The following C9orf57 variants were observed in gnomAD, a reference collection of about 807,000 sequenced individuals.
C9orf57 encodes the protein uncharacterized protein C9orf57.
C9orf57 carries 12 observed loss-of-function variants against 12.9 expected under a neutral mutation model. That is an observed-to-expected ratio of 0.93 (90% confidence interval 0.60 to 1.51). C9orf57 has a LOEUF of 1.51. Among genes scored for constraint, C9orf57 ranks in the 40% most tolerant of loss-of-function variants. The probability of loss-of-function intolerance (pLI) is 0.00; values close to 1 mark genes in which losing one functional copy is unlikely to be tolerated. For missense variants in C9orf57, 141 were observed against 162.8 expected (o/e 0.87, Z 0.73); for synonymous variants, 49 against 57.1 (o/e 0.86, Z 0.64).
intron 1 of C9orf57, among the ~76,000 whole-genome samples, chr9:72,059,656 A>C (rs1824288919): frequency 6.6e-6 from 1 of 152,130 alleles, no homozygotes; most frequent in Admixed American, 6.5e-5. Flanking sequence ...CCCCGTCTCT[A>C]CTAAAAATAC....
chr9:72,052,107 G>T lies in C9orf57; in HGVS notation c.*189C>A. The T allele has an allele frequency of 1.7e-6, 1 of 580,162 alleles. No individual in the cohort carries two copies. Among genetic ancestry groups the T allele is most frequent in the Non-Finnish European group, 3.0e-6 (1 of 334,654 alleles). The allele number at this position is 580,162 out of a possible 1,614,324, so 35.9% of individuals were successfully genotyped here. On this transcript the variant is annotated 3_prime_UTR_variant, in exon 5 of 5. Transcript: ENST00000651200. ...GTTGAAAGGGCTATTTCTCAGATGA[G>T]TTGGAGGTGGTGGGGGAGATATTGG...
intron 2 of C9orf57, among the ~76,000 whole-genome samples, chr9:72,058,049 A>C (rs756740467): frequency 3.9e-5 from 6 of 152,224 alleles, no homozygotes; most frequent in Non-Finnish European, 8.8e-5. Context: ...AATCTATGGA[A>C]GGTGGGGCTT....
Position 72,060,597 on chromosome 9 carries a change from A to G in C9orf57, c.-154T>C. ...TTGTGATGTGATGAAGTCCGTTACAACTGAAAGCGACACTCTGATCCACTA... is the reference window on the plus strand; with the variant it reads ...TTGTGATGTGATGAAGTCCGTTACAGCTGAAAGCGACACTCTGATCCACTA... On this transcript the variant is annotated 5_prime_UTR_variant, in exon 1 of 5. Coordinates refer to ENST00000651200, the MANE Select transcript of C9orf57 (RefSeq NM_001128618.2). 1.3e-6 allele frequency: 2 copies of G among 1,518,890 alleles called. No homozygotes were observed. Among genetic ancestry groups the G allele is most frequent in the Non-Finnish European group, 1.8e-6 (2 of 1,124,458 alleles). The allele number at this position is 1,518,890 out of a possible 1,614,324, so 94.1% of individuals were successfully genotyped here. A position where few individuals can be genotyped will look rare whatever the true frequency, so the allele number is the denominator to read the frequency against.
chr9:72,051,677 CA>C lies in C9orf57; in HGVS notation c.*618del, dbSNP rs1052255395. On this transcript the variant is annotated 3_prime_UTR_variant, in exon 5 of 5. Coordinates refer to ENST00000651200, the MANE Select transcript of C9orf57 (RefSeq NM_001128618.2). ...AGGCATGGTTAAGGTACGGAAAATT[CA>C]AAATTTGGATAAACTCTGAGGCAGA... 6.6e-6 allele frequency: 1 copy of C among 152,188 alleles called. No individual in the cohort carries two copies. The highest frequency in any genetic ancestry group is 2.4e-5 in the African/African-American group (1 of 41,428). The allele number at this position is 152,188 out of a possible 1,614,324, so 9.4% of individuals were successfully genotyped here. A position where few individuals can be genotyped will look rare whatever the true frequency, so the allele number is the denominator to read the frequency against.
At chr9:72,059,711 C>G (rs936031900) in intron 1 of C9orf57, among the ~76,000 whole-genome samples, 4 of 152,244 alleles carry the variant, frequency 2.6e-5, no homozygotes, top group Admixed American at 2.0e-4. Flanking sequence ...ATCCCAGCTA[C>G]TTGGGAGGCT....
intron 3 of C9orf57, among the ~76,000 whole-genome samples, chr9:72,056,558 T>C (rs1397195125): frequency 6.6e-6 from 1 of 152,042 alleles, no homozygotes; most frequent in African/African-American, 2.4e-5. Context: ...TCTATAAGAC[T>C]CATTAGCTAT....
intron 2 of C9orf57, among the ~76,000 whole-genome samples, chr9:72,057,100 G>A (rs1824221280): frequency 6.6e-6 from 1 of 151,922 alleles, no homozygotes; most frequent in African/African-American, 2.4e-5. Context: ...TTAGTGGGGA[G>A]GATGGGGTTT....
intron 2 of C9orf57, among the ~76,000 whole-genome samples, chr9:72,058,679 A>G (rs531017098): frequency 2.0e-5 from 3 of 152,284 alleles, no homozygotes; most frequent in Admixed American, 2.0e-4. Flanking sequence ...GTTTTCTGCA[A>G]TGTGTTTTAT....
chr9:72,059,079 G>GT (rs1227258854), intron 2 of C9orf57, among the ~76,000 whole-genome samples, 156 bp downstream of exon 2: 1 of 152,082 alleles, frequency 6.6e-6, no homozygotes, highest in Non-Finnish European at 1.5e-5. Context: ...GTTTCTCCAT[G>GT]TTGGTCAGGC....
chr9:72,052,467 T>C, intron 4 of C9orf57, 32 bp from the exon 5 acceptor site: 1 of 1,547,410 alleles, frequency 6.5e-7, no homozygotes, highest in Non-Finnish European at 8.7e-7. Context: ...AGGAAATTTC[T>C]TGGGAGGTAC....
intron 4 of C9orf57, among the ~76,000 whole-genome samples, chr9:72,054,048 G>C (rs1264444303): frequency 6.6e-6 from 1 of 152,216 alleles, no homozygotes; most frequent in Admixed American, 6.5e-5. Flanking sequence ...GCCCATGCTG[G>C]AGTGCAATGG....
intron 4 of C9orf57, among the ~76,000 whole-genome samples, chr9:72,052,775 T>C (rs1160179850): frequency 6.6e-6 from 1 of 152,192 alleles, no homozygotes; most frequent in Non-Finnish European, 1.5e-5. Context: ...CCCAGTTTTA[T>C]CCAGGTTGTG....
At position 72,056,884 on chromosome 9, in the gene C9orf57, T is replaced by C. The variant is rs1824215744; in HGVS notation, c.98-41A>G. The C allele has an allele frequency of 2.1e-6, 3 of 1,461,912 alleles. No homozygotes were observed. The South Asian group carries it at 3.7e-5, about 18-fold the overall frequency. The allele number at this position is 1,461,912 out of a possible 1,614,324, so 90.6% of individuals were successfully genotyped here. ...GGAAGGGGATTGAAAGATTGCATGCTCTGCAAATGTATACATATATATGTA... is the reference window on the plus strand; with the variant it reads ...GGAAGGGGATTGAAAGATTGCATGCCCTGCAAATGTATACATATATATGTA... On this transcript the variant is annotated intron_variant, in intron 2 of 4. Transcript: ENST00000651200.
chr9:72,059,064 A>T (rs1191948108), intron 2 of C9orf57, among the ~76,000 whole-genome samples, 171 bp downstream of exon 2: 1 of 152,066 alleles, frequency 6.6e-6, no homozygotes, highest in Non-Finnish European at 1.5e-5. Context: ...TTTGGTAGAG[A>T]CAGGGTTTCT....
chr9:72,054,920 T>TTC (rs1339741109), intron 4 of C9orf57, among the ~76,000 whole-genome samples: 1 of 143,332 alleles, frequency 7.0e-6, no homozygotes, highest in African/African-American at 2.6e-5. Context: ...TGGGATTTTT[T>TTC]TTTTTTTTTT....
chr9:72,052,548 G>A (rs747408629), intron 4 of C9orf57, 113 bp from the exon 5 acceptor site: 31 of 951,794 alleles, frequency 3.3e-5, no homozygotes, highest in South Asian at 7.3e-5. Context: ...ATCAAGGTAC[G>A]AATCTAGCAT....
chr9:72,057,302 T>C (rs1187363814), intron 2 of C9orf57, among the ~76,000 whole-genome samples: 27 of 152,144 alleles, frequency 1.8e-4, no homozygotes, highest in Admixed American at 1.8e-3. Flanking sequence ...CTCGGCTCAC[T>C]GCAACCTCCA....
chr9:72,057,225 G>A (rs1163731581), intron 2 of C9orf57, among the ~76,000 whole-genome samples: 4 of 150,350 alleles, frequency 2.7e-5, no homozygotes, highest in Admixed American at 6.6e-5. Context: ...AAAACCTAAC[G>A]TAAATTATTA....
chr9:72,052,278 T>G lies in C9orf57; in HGVS notation c.*18A>C. ...AGACTGATTGATCTGCCAAGCATTTTAGATATGGGCCACTGACTCAGAAAT... is the reference window on the plus strand; with the variant it reads ...AGACTGATTGATCTGCCAAGCATTTGAGATATGGGCCACTGACTCAGAAAT... On this transcript the variant is annotated 3_prime_UTR_variant, in exon 5 of 5. Coordinates refer to ENST00000651200, the MANE Select transcript of C9orf57 (RefSeq NM_001128618.2). The G allele has an allele frequency of 6.4e-7, 1 of 1,551,132 alleles. No individual in the cohort carries two copies. Among genetic ancestry groups the G allele is most frequent in the Admixed American group, 2.0e-5 (1 of 50,976 alleles).
Sources: allele counts gnomAD v4.1 joint callset (sites outside exome capture counted in the v4.1 genomes callset), GRCh38; gene constraint gnomAD v4.1.1; transcripts MANE v1.5; gene names NCBI Gene and HGNC (gene_info 2026-07-23, HGNC 2026-07-21).